Variants in CHM observed in about 807,000 individuals in gnomAD.
The protein encoded by CHM is CHM Rab escort protein.
Under a neutral mutation model 49.0 loss-of-function variants are expected in CHM, and 10 were observed. The ratio of observed to expected loss-of-function variants is 0.20; its 90% CI spans 0.13 to 0.35. The LOEUF is 0.35. CHM is among the 10% of genes least tolerant of loss of function. The pLI, the probability that CHM is intolerant of heterozygous loss-of-function variation, is 1.00. For synonymous variants in CHM, 184 were observed against 167.5 expected (o/e 1.10, Z -0.76); for missense variants, 455 against 478.4 (o/e 0.95, Z 0.46).
At chrX:85,879,645 G>A (rs182924076) in intron 12 of CHM, among the ~76,000 whole-genome samples, 31 of 111,315 alleles carry the variant, frequency 2.8e-4, no homozygotes, top group African/African-American at 9.5e-4. Flanking sequence ...AGAAAATCAC[G>A]TACAAACAAG....
At chrX:85,951,697 C>T (rs1309844622) in intron 8 of CHM, among the ~76,000 whole-genome samples, 2 of 111,678 alleles carry the variant, frequency 1.8e-5, no homozygotes, top group African/African-American at 3.3e-5. Flanking sequence ...AGTGATCATC[C>T]CTCCCACAGG....
intron 8 of CHM, among the ~76,000 whole-genome samples, chrX:85,929,759 T>C (rs1180595315): frequency 3.6e-5 from 4 of 112,080 alleles, no homozygotes; most frequent in Non-Finnish European, 7.5e-5. Context: ...GAATTTATAG[T>C]CAATTCCTCC....
intron 1 of CHM, among the ~76,000 whole-genome samples, chrX:86,041,728 A>G (rs1480148078): frequency 0.014 from 163 of 11,477 alleles, no homozygotes; most frequent in African/African-American, 0.092. Context: ...GTGTGTGTGT[A>G]TATATATATA....
intron 2 of CHM, among the ~76,000 whole-genome samples, chrX:85,993,778 T>C (rs1388691547): frequency 8.9e-6 from 1 of 111,854 alleles, no homozygotes; most frequent in Non-Finnish European, 1.9e-5. Context: ...TCTCTGCTTT[T>C]ATTAGTGCTA....
intron 8 of CHM, among the ~76,000 whole-genome samples, chrX:85,928,756 G>A (rs932183722): frequency 6.3e-5 from 7 of 111,193 alleles, no homozygotes; most frequent in African/African-American, 9.8e-5. Flanking sequence ...TCCTAAAGGT[G>A]ACAAGAGGCC....
intron 2 of CHM, among the ~76,000 whole-genome samples, chrX:86,022,006 AGTG>A (rs1401721601): frequency 8.9e-6 from 1 of 111,789 alleles, no homozygotes; most frequent in East Asian, 2.8e-4. Context: ...AAAGTGGAGT[AGTG>A]GTTGCTAGTG....
chrX:85,993,435 G>T (rs1250863567), intron 2 of CHM, among the ~76,000 whole-genome samples: 1 of 111,060 alleles, frequency 9.0e-6, no homozygotes, highest in African/African-American at 3.3e-5. Flanking sequence ...CATTATTTCA[G>T]GCCCTCACTC....
intron 1 of CHM, among the ~76,000 whole-genome samples, chrX:86,031,765 G>A (rs964912761): frequency 8.9e-5 from 10 of 111,770 alleles, no homozygotes; most frequent in Non-Finnish European, 1.1e-4. Context: ...GCTTGAACCC[G>A]GAAGGCAAAG....
chrX:85,954,112 A>G (rs759416840), intron 8 of CHM, among the ~76,000 whole-genome samples: 31 of 112,445 alleles, frequency 2.8e-4, no homozygotes, highest in African/African-American at 9.7e-4. Flanking sequence ...AATTGGGCAA[A>G]AGATCTGAAT....
intron 1 of CHM, 141 bp downstream of exon 1, chrX:86,047,343 C>G: frequency 1.8e-6 from 1 of 568,223 alleles, no homozygotes; most frequent in East Asian, 3.6e-5. Flanking sequence ...CCCGCGCTGA[C>G]TCCGGACTAC....
intron 8 of CHM, among the ~76,000 whole-genome samples, chrX:85,929,433 T>G (rs775568523): frequency 1.4e-4 from 16 of 112,032 alleles, no homozygotes; most frequent in Non-Finnish European, 3.0e-4. Flanking sequence ...TCTATTACCC[T>G]ATTTGCTTTT....
At chrX:85,908,417 G>A (rs1241712474) in intron 9 of CHM, among the ~76,000 whole-genome samples, 1 of 111,599 alleles carries the variant, frequency 9.0e-6, no homozygotes, top group African/African-American at 3.3e-5. Flanking sequence ...TATTTATAGA[G>A]ACTATTTGAC....
chrX:85,865,710 C>T (rs1331545694), intron 14 of CHM, among the ~76,000 whole-genome samples: 1 of 111,836 alleles, frequency 8.9e-6, no homozygotes, highest in Non-Finnish European at 1.9e-5. Flanking sequence ...CAATGATGTC[C>T]AGGCTGAGGT....
At chrX:85,944,135 C>T (rs928308909) in intron 8 of CHM, among the ~76,000 whole-genome samples, 21 of 111,346 alleles carry the variant, frequency 1.9e-4, no homozygotes, top group African/African-American at 6.5e-4. Flanking sequence ...TACTCCTTGG[C>T]CAATTTTAAG....
chrX:85,924,225 G>A (rs1020206512), intron 8 of CHM, among the ~76,000 whole-genome samples: 1 of 111,247 alleles, frequency 9.0e-6, no homozygotes, highest in African/African-American at 3.3e-5. Context: ...AGTTATGTCT[G>A]CCATAAACCA....
Position 85,947,574 on chromosome X carries a change from A to T in CHM, c.1166+8579T>A, listed in dbSNP as rs139701276. Among the ~76,000 whole-genome samples, 366 of 111,716 alleles carry T rather than the reference A, an allele frequency of 3.3e-3. 1 individual carries two copies. The highest frequency in any genetic ancestry group is 0.014 in the Middle Eastern group (3 of 218). ...TGTAAATCCTGCAGAACCATGAGCC[A>T]ATTACGCCTCTTTTCATTATAAATT... On this transcript the variant is annotated intron_variant, in intron 8 of 14. Coordinates refer to ENST00000357749, the MANE Select transcript of CHM (RefSeq NM_000390.4).
At chrX:85,921,646 T>C (rs1367918719) in intron 8 of CHM, among the ~76,000 whole-genome samples, 1 of 111,866 alleles carries the variant, frequency 8.9e-6, no homozygotes, top group African/African-American at 3.2e-5. Flanking sequence ...ACACCCCAGC[T>C]AAAACCGTAA....
intron 13 of CHM, among the ~76,000 whole-genome samples, chrX:85,876,828 C>T (rs1924448009): frequency 1.8e-5 from 2 of 111,132 alleles, no homozygotes; most frequent in African/African-American, 6.5e-5. Context: ...GTTTAAAAAT[C>T]TAAAATGGAT....
At chrX:86,016,387 G>T (rs185957300) in intron 2 of CHM, among the ~76,000 whole-genome samples, 11 of 111,946 alleles carry the variant, frequency 9.8e-5, no homozygotes, top group African/African-American at 3.6e-4. Context: ...ACCCATCACA[G>T]GCCTGCAGGC....
Sources: gnomAD v4.1 joint callset for allele counts (sites outside exome capture counted in the v4.1 genomes callset) on GRCh38, gnomAD v4.1.1 for gene constraint, MANE v1.5 for transcripts, NCBI Gene and HGNC (gene_info 2026-07-23, HGNC 2026-07-21) for gene names.